FOCAD: variants seen among roughly 807,000 people sequenced by gnomAD.
FOCAD encodes the protein focadhesin.
FOCAD carries 198 observed loss-of-function variants against 225.6 expected under a neutral mutation model. The ratio of observed to expected loss-of-function variants is 0.88; its 90% CI spans 0.78 to 0.99. The LOEUF (loss-of-function observed/expected upper bound fraction) is 0.99, where lower values mean the gene tolerates loss of function less well. FOCAD is among the 50% of genes least tolerant of loss of function. The pLI is 0.00. For missense variants in FOCAD, 2,713 were observed against 2,123.6 expected, an observed-to-expected ratio of 1.28 and a Z score of -5.46; for synonymous variants, 897 against 755.0, an observed-to-expected ratio of 1.19 and a Z score of -3.08.
At chr9:20,917,162 C>T (rs1833943921) in intron 24 of FOCAD, among the ~76,000 whole-genome samples, 1 of 151,802 alleles carries the variant, frequency 6.6e-6, no homozygotes, top group Admixed American at 6.6e-5. Context: ...ATAACTTTTA[C>T]ATCAGGAGTC....
chr9:20,807,066 A>G (rs1241671666), intron 11 of FOCAD, among the ~76,000 whole-genome samples: 2 of 152,242 alleles, frequency 1.3e-5, no homozygotes, highest in African/African-American at 2.4e-5. Context: ...CCACCTCATT[A>G]AATTCATCAT....
intron 20 of FOCAD, among the ~76,000 whole-genome samples, chr9:20,883,510 T>A (rs530422787): frequency 6.6e-6 from 1 of 152,310 alleles, no homozygotes; most frequent in East Asian, 1.9e-4. Flanking sequence ...GACCACAAAC[T>A]TCAATAAATT....
chr9:20,758,765 A>G (rs1034417015), intron 6 of FOCAD, among the ~76,000 whole-genome samples: 3 of 152,170 alleles, frequency 2.0e-5, no homozygotes, highest in Non-Finnish European at 4.4e-5. Context: ...AGTTCTGGCC[A>G]GGGCAATTAG....
At chr9:20,957,343 G>A (rs565176870) in intron 35 of FOCAD, among the ~76,000 whole-genome samples, 13 of 152,182 alleles carry the variant, frequency 8.5e-5, no homozygotes, top group African/African-American at 2.4e-4. Context: ...ACAGGCATGA[G>A]CCACTGTACA....
At chr9:20,931,685 A>G (rs1396870963) in intron 27 of FOCAD, among the ~76,000 whole-genome samples, 1 of 152,158 alleles carries the variant, frequency 6.6e-6, no homozygotes, top group African/African-American at 2.4e-5. Flanking sequence ...TATGAATCAC[A>G]TCTGTAATTG....
chr9:20,845,475 G>A (rs1243999155), intron 15 of FOCAD, among the ~76,000 whole-genome samples: 2 of 84,478 alleles, frequency 2.4e-5, no homozygotes, highest in Admixed American at 2.7e-4. Flanking sequence ...ATGACACGTG[G>A]TATATCATTG....
intron 5 of FOCAD, among the ~76,000 whole-genome samples, chr9:20,744,369 G>A (rs746371641): frequency 6.6e-6 from 1 of 152,196 alleles, no homozygotes; most frequent in Non-Finnish European, 1.5e-5. Context: ...AGTTAATGCA[G>A]CTCATATTGC....
intron 21 of FOCAD, among the ~76,000 whole-genome samples, chr9:20,886,265 G>C (rs1199929567): frequency 6.6e-6 from 1 of 152,126 alleles, no homozygotes; most frequent in African/African-American, 2.4e-5. Context: ...AAGAGAAGAA[G>C]GATCTGGGAA....
At chr9:20,896,804 T>C (rs1832126769) in intron 21 of FOCAD, among the ~76,000 whole-genome samples, 1 of 151,904 alleles carries the variant, frequency 6.6e-6, no homozygotes, top group Admixed American at 6.6e-5. Flanking sequence ...GTGTGTTTTA[T>C]GGTTCAGAAT....
chr9:20,929,040 C>A, intron 26 of FOCAD: 1 of 203,826 alleles, frequency 4.9e-6, no homozygotes. Context: ...AATATATATA[C>A]ATGTGGGCTT....
chr9:20,887,387 A>G (rs1831190105), intron 21 of FOCAD, among the ~76,000 whole-genome samples: 1 of 152,026 alleles, frequency 6.6e-6, no homozygotes, highest in Non-Finnish European at 1.5e-5. Context: ...GGCATGCGCC[A>G]CCACGCCCAG....
At position 20,823,066 on chromosome 9, in the gene FOCAD, C is replaced by T; in HGVS notation, c.1871C>T (p.Thr624Ile). Residue 624 changes from threonine (T) to isoleucine (I), a missense_variant, in exon 15 of 44, where the codon ACT becomes ATT. By Grantham distance (89) the Thr-to-Ile change is moderately conservative. Transcript: ENST00000338382. ...GAATGCACCAAGCCTGATCAAGCTA[C>T]TCCAGCAGCCTTGGTATTACAGGGT... ...LNECTKPDQA[T>I]PAALVLQGLH... 6.2e-7 allele frequency: 1 copy of T among 1,609,742 alleles called. No individual in the cohort carries two copies. The highest frequency in any genetic ancestry group is 8.5e-7 in the Non-Finnish European group (1 of 1,178,210).
intron 11 of FOCAD, among the ~76,000 whole-genome samples, chr9:20,798,857 G>T (rs1166777064): frequency 6.6e-6 from 1 of 151,918 alleles, no homozygotes; most frequent in Non-Finnish European, 1.5e-5. Flanking sequence ...CTTCAGTTCT[G>T]CTCTGATCTT....
In FOCAD at chr9:20,877,439, C is replaced by T. The variant is rs560847116; in HGVS notation, c.2317+2632C>T. On this transcript the variant is annotated intron_variant, in intron 19 of 43. Coordinates refer to ENST00000338382, the MANE Select transcript of FOCAD (RefSeq NM_001375567.1). ...TGAGAAACATAAAAACACAGCAGAG[C>T]ACTTCATAGATCACTTTACACAATA... is the stretch of plus-strand genomic sequence containing the variant. 3.3e-5 allele frequency among the ~76,000 whole-genome samples: 5 copies of T among 152,212 alleles called. No homozygotes were observed. In the South Asian group the frequency reaches 1.0e-3, roughly 32 times the overall value.
intron 15 of FOCAD, among the ~76,000 whole-genome samples, chr9:20,855,033 C>T (rs1828027011): frequency 6.6e-6 from 1 of 151,694 alleles, no homozygotes; most frequent in South Asian, 2.1e-4. Context: ...TGGCAATAGA[C>T]AGCTTTTTTT....
At chr9:20,948,575 A>G in intron 31 of FOCAD, among the ~76,000 whole-genome samples, 182 bp downstream of exon 31, 1 of 152,318 alleles carries the variant, frequency 6.6e-6, no homozygotes, top group Middle Eastern at 3.4e-3. Flanking sequence ...CAACTATTAT[A>G]ATTTTTTTGA....
At chr9:20,935,732 T>G (rs979429923) in intron 28 of FOCAD, among the ~76,000 whole-genome samples, 2 of 152,152 alleles carry the variant, frequency 1.3e-5, no homozygotes, top group African/African-American at 2.4e-5. Flanking sequence ...TTGAGGCCAT[T>G]TGAATTTGAT....
chr9:20,980,959 T>G (rs2132623911), intron 37 of FOCAD, among the ~76,000 whole-genome samples: 1 of 152,342 alleles, frequency 6.6e-6, no homozygotes, highest in East Asian at 1.9e-4. Flanking sequence ...TCACTTCTCC[T>G]TATTACTTCC....
chr9:20,687,270 C>T (rs1822724649), intron 1 of FOCAD, among the ~76,000 whole-genome samples: 1 of 152,036 alleles, frequency 6.6e-6, no homozygotes, highest in South Asian at 2.1e-4. Context: ...TTTTACTTGC[C>T]CGGGGACCAA....
Sources: allele counts gnomAD v4.1 joint callset (sites outside exome capture counted in the v4.1 genomes callset), GRCh38; gene constraint gnomAD v4.1.1; transcripts MANE v1.5; gene names NCBI Gene and HGNC (gene_info 2026-07-23, HGNC 2026-07-21).